MELK: variants seen among roughly 807,000 people sequenced by gnomAD.
MELK encodes the protein maternal embryonic leucine zipper kinase.
MELK carries 81 observed loss-of-function variants against 85.0 expected under a neutral mutation model. That is an observed-to-expected ratio of 0.95 (90% confidence interval 0.80 to 1.15). MELK has a LOEUF of 1.15. Ranked by LOEUF, MELK falls within the 50% of genes most tolerant of loss-of-function variation. MELK has a pLI of 0.00. For missense variants in MELK, 754 were observed against 777.5 expected (o/e 0.97, Z 0.36); for synonymous variants, 252 against 265.0 (o/e 0.95, Z 0.48).
In MELK at chr9:36,583,703, C is replaced by T; in HGVS notation, c.135C>T (p.Asn45=). The change falls in exon 3 of 18, where the codon AAC becomes AAT. Residue 45 remains asparagine, a synonymous_variant. Transcript: ENST00000298048. ...EMVAIKIMDK[N]TLGSDLPRIK... ...TAGCTATAAAAATCATGGATAAAAA[C>T]ACACTAGGGGTAAGTTTAGATTTAT... The T allele has an allele frequency of 6.2e-7, 1 of 1,606,664 alleles. No individual in the cohort carries two copies. Among genetic ancestry groups the T allele is most frequent in the South Asian group, 1.1e-5 (1 of 90,784 alleles).
chr9:36,613,639 C>T (rs1826259264), intron 8 of MELK, among the ~76,000 whole-genome samples: 2 of 152,086 alleles, frequency 1.3e-5, no homozygotes, highest in African/African-American at 4.8e-5. Context: ...TCAGGATAAA[C>T]TTCATGGAGG....
In MELK at chr9:36,669,320, G is replaced by C; in HGVS notation, c.1419G>C (p.Gln473His). The change falls in exon 15 of 18, where the codon CAG becomes CAC. Residue 473 changes from glutamine to histidine, a missense_variant. Gln to His is a conservative substitution (Grantham distance 24). Transcript: ENST00000298048. ...RYTTPSKARN[Q>H]CLKETPIKIP... ...TTCTGTTTCTAATAGCTAGAAACCA[G>C]TGCCTGAAAGAAACTCCAATTAAAA... 6.2e-7 allele frequency: 1 copy of C among 1,607,452 alleles called. No individual in the cohort carries two copies. Among genetic ancestry groups the C allele is most frequent in the East Asian group, 2.2e-5 (1 of 44,606 alleles).
chr9:36,649,271 G>A (rs1192712814), intron 11 of MELK, among the ~76,000 whole-genome samples: 1 of 151,936 alleles, frequency 6.6e-6, no homozygotes, highest in African/African-American at 2.4e-5. Context: ...CAGATCATGA[G>A]GTCAGGAGAT....
intron 10 of MELK, among the ~76,000 whole-genome samples, chr9:36,641,713 T>C (rs1418167691): frequency 6.6e-6 from 1 of 151,504 alleles, no homozygotes; most frequent in Non-Finnish European, 1.5e-5. Flanking sequence ...GTTCAAGCGA[T>C]TCTCCTGCCT....
At chr9:36,606,315 A>T (rs1825479625) in intron 7 of MELK, among the ~76,000 whole-genome samples, 1 of 146,826 alleles carries the variant, frequency 6.8e-6, no homozygotes, top group African/African-American at 2.5e-5. Context: ...ATACATATGT[A>T]TAGGTGTGTA....
At chr9:36,627,588 G>A (rs945954314) in intron 8 of MELK, among the ~76,000 whole-genome samples, 1 of 144,332 alleles carries the variant, frequency 6.9e-6, no homozygotes, top group Non-Finnish European at 1.5e-5. Context: ...GTGCAATGGC[G>A]CGATCTCGGC....
At chr9:36,655,453 GGA>G (rs66684364) in intron 12 of MELK, among the ~76,000 whole-genome samples, 111,160 of 147,596 alleles carry the variant, frequency 0.75, 43,911 homozygotes, top group East Asian at 0.87. Context: ...TCAAGTAGGG[GGA>G]GAGAGAGAGA....
intron 1 of MELK, among the ~76,000 whole-genome samples, chr9:36,575,498 A>G (rs1821566603): frequency 6.6e-6 from 1 of 152,196 alleles, no homozygotes; most frequent in Non-Finnish European, 1.5e-5. Flanking sequence ...AGCAACAACG[A>G]TATTCCCTTG....
At chr9:36,608,940 C>A (rs930306753) in intron 8 of MELK, among the ~76,000 whole-genome samples, 2 of 152,160 alleles carry the variant, frequency 1.3e-5, no homozygotes, top group Non-Finnish European at 2.9e-5. Flanking sequence ...AAAATAAAAA[C>A]AGAATGCTGT....
chr9:36,646,103 A>G (rs1442141408), intron 11 of MELK, among the ~76,000 whole-genome samples: 2 of 152,146 alleles, frequency 1.3e-5, no homozygotes, highest in East Asian at 1.9e-4. Context: ...ATGCTGCCAA[A>G]CATCCTTCAA....
At chr9:36,595,556 A>T (rs372448084) in intron 5 of MELK, among the ~76,000 whole-genome samples, 68 of 149,128 alleles carry the variant, frequency 4.6e-4, no homozygotes, top group African/African-American at 1.6e-3. Context: ...GGATGCATTT[A>T]TGAGCATTCT....
intron 8 of MELK, among the ~76,000 whole-genome samples, chr9:36,628,867 T>TC (rs1461448189): frequency 6.7e-6 from 1 of 148,476 alleles, no homozygotes; most frequent in African/African-American, 2.5e-5. Context: ...TATTTTCTTT[T>TC]TTTTTTTTTT....
chr9:36,651,526 A>G (rs890108673), intron 11 of MELK, among the ~76,000 whole-genome samples: 1 of 152,180 alleles, frequency 6.6e-6, no homozygotes, highest in African/African-American at 2.4e-5. Flanking sequence ...ATAGCAGAAG[A>G]AATAGCTAAA....
chr9:36,600,030 A>G (rs1018510337), intron 7 of MELK, among the ~76,000 whole-genome samples: 1 of 152,190 alleles, frequency 6.6e-6, no homozygotes, highest in Non-Finnish European at 1.5e-5. Flanking sequence ...TTAGTTGTGA[A>G]AAGCTCAGGA....
chr9:36,675,536 T>C (rs1833270920), intron 17 of MELK, among the ~76,000 whole-genome samples: 1 of 152,214 alleles, frequency 6.6e-6, no homozygotes, highest in African/African-American at 2.4e-5. Context: ...TTTACAATAA[T>C]ATTTATAAAT....
At chr9:36,630,252 G>A in intron 8 of MELK, 47 bp from the exon 9 acceptor site, 2 of 1,432,410 alleles carry the variant, frequency 1.4e-6, no homozygotes, top group Non-Finnish European at 2.0e-6. Flanking sequence ...AGGAATTTGT[G>A]TCAAGGCTGA....
chr9:36,618,266 G>A (rs1027384884), intron 8 of MELK, among the ~76,000 whole-genome samples: 18 of 152,086 alleles, frequency 1.2e-4, no homozygotes, highest in Admixed American at 1.0e-3. Context: ...AGAATTTTCT[G>A]GTCGTGGTGG....
chr9:36,579,710 C>T (rs147060053), intron 1 of MELK, among the ~76,000 whole-genome samples: 36 of 152,272 alleles, frequency 2.4e-4, no homozygotes, highest in Non-Finnish European at 4.0e-4. Context: ...AAGTCAACCA[C>T]GAGGTTATTT....
At chr9:36,673,803 A>G (rs1833103362) in intron 16 of MELK, among the ~76,000 whole-genome samples, 1 of 152,202 alleles carries the variant, frequency 6.6e-6, no homozygotes, top group Non-Finnish European at 1.5e-5. Flanking sequence ...CAATCAAGAT[A>G]ATTTTTTAAA....
Sources: allele counts gnomAD v4.1 joint callset (sites outside exome capture counted in the v4.1 genomes callset), GRCh38; gene constraint gnomAD v4.1.1; transcripts MANE v1.5; gene names NCBI Gene and HGNC (gene_info 2026-07-23, HGNC 2026-07-21).